DPYD: variants seen among roughly 807,000 people sequenced by gnomAD.
The protein encoded by DPYD is dihydropyrimidine dehydrogenase [NADP(+)].
Under a neutral mutation model 116.2 loss-of-function variants are expected in DPYD, and 109 were observed. The observed-to-expected ratio is 0.94, with a 90% CI of 0.80 to 1.10. The LOEUF (loss-of-function observed/expected upper bound fraction) is 1.10, where lower values mean the gene tolerates loss of function less well. Ranked by LOEUF, DPYD falls within the 50% of genes least tolerant of loss-of-function variation. The pLI is 0.00. For missense variants in DPYD, 1,302 were observed against 1,254.5 expected, an observed-to-expected ratio of 1.04 and a Z score of -0.57; for synonymous variants, 440 against 432.0, an observed-to-expected ratio of 1.02 and a Z score of -0.23.
chr1:97,318,188 C>T (rs2101087569), intron 16 of DPYD, among the ~76,000 whole-genome samples: 1 of 145,774 alleles, frequency 6.9e-6, no homozygotes, highest in Admixed American at 7.1e-5. Flanking sequence ...AGCAAAATCA[C>T]CAGCTAACAT....
chr1:97,779,854 C>T (rs779710759), intron 3 of DPYD, among the ~76,000 whole-genome samples: 1 of 152,006 alleles, frequency 6.6e-6, no homozygotes, highest in Non-Finnish European at 1.5e-5. Context: ...CTAGAACCAA[C>T]TCTAACTTTT....
At chr1:97,885,349 G>A (rs1415510020) in intron 1 of DPYD, among the ~76,000 whole-genome samples, 1 of 151,878 alleles carries the variant, frequency 6.6e-6, no homozygotes, top group Non-Finnish European at 1.5e-5. Flanking sequence ...AGCTAAAAAT[G>A]TTATTTTCCA....
intron 20 of DPYD, among the ~76,000 whole-genome samples, chr1:97,143,824 T>G (rs1475881335): frequency 3.3e-5 from 5 of 152,174 alleles, no homozygotes; most frequent in African/African-American, 1.2e-4. Context: ...TTATATCTCA[T>G]CTTTCAAATT....
intron 11 of DPYD, 49 bp downstream of exon 11, chr1:97,573,711 C>T (rs1194899501): frequency 3.1e-6 from 5 of 1,608,700 alleles, no homozygotes; most frequent in African/African-American, 1.3e-5. Context: ...TATTACAGCA[C>T]TAAAATAACA....
At position 97,573,671 on chromosome 1, in the gene DPYD, GT is replaced by G. The variant is rs1367699766; in HGVS notation, c.1339+88del. On this transcript the variant is annotated intron_variant, in intron 11 of 22. Coordinates refer to ENST00000370192, the MANE Select transcript of DPYD (RefSeq NM_000110.4). ...CTAGAAGAGGAAAATAAATTTTAAA[GT>G]GAAAAACAATTCCCTGAAAGCTAGA... The G allele has an allele frequency of 9.8e-6, 15 of 1,533,254 alleles. 1 individual carries two copies. The African/African-American group carries it at 1.8e-4, about 18-fold the overall frequency. The allele number at this position is 1,533,254 out of a possible 1,614,324, so 95.0% of individuals were successfully genotyped here.
chr1:97,111,215 A>G (rs1050813574), intron 20 of DPYD, among the ~76,000 whole-genome samples: 1 of 152,052 alleles, frequency 6.6e-6, no homozygotes, highest in Non-Finnish European at 1.5e-5. Flanking sequence ...TTGACTTGGT[A>G]TAACGTATCC....
intron 16 of DPYD, among the ~76,000 whole-genome samples, chr1:97,347,827 A>C (rs948038951): frequency 6.6e-6 from 1 of 152,094 alleles, no homozygotes; most frequent in African/African-American, 2.4e-5. Context: ...CACAATAAAC[A>C]TTCTCAGTAT....
At chr1:97,234,559 T>A (rs1661780656) in intron 19 of DPYD, among the ~76,000 whole-genome samples, 1 of 152,202 alleles carries the variant, frequency 6.6e-6, no homozygotes, top group Non-Finnish European at 1.5e-5. Context: ...GTATTGTTTT[T>A]CCAGGAGGAC....
In DPYD at chr1:97,143,762, A is replaced by G. The variant is rs1285391439; in HGVS notation, c.2623-45130T>C. 2.6e-5 allele frequency among the ~76,000 whole-genome samples: 4 copies of G among 152,150 alleles called. No individual in the cohort carries two copies. The East Asian group carries it at 7.7e-4, about 29-fold the overall frequency. ...TGTCTGAGGTGAGTCAACTTTAAAC[A>G]AAAAAGCATTTTGAAAATGGATTTT... On this transcript the variant is annotated intron_variant, in intron 20 of 22. Coordinates refer to ENST00000370192, the MANE Select transcript of DPYD (RefSeq NM_000110.4).
intron 2 of DPYD, among the ~76,000 whole-genome samples, chr1:97,844,217 A>C (rs531762378): frequency 6.6e-6 from 1 of 152,346 alleles, no homozygotes; most frequent in Admixed American, 6.5e-5. Context: ...CTGCAATATA[A>C]TAAAAAATAC....
rs539688318 is a variant in DPYD at position 97,294,469 on chromosome 1, C to T, written c.2299+10790G>A. 3.3e-5 allele frequency among the ~76,000 whole-genome samples: 5 copies of T among 152,212 alleles called. No homozygotes were observed. In the South Asian group the frequency reaches 8.3e-4, roughly 25 times the overall value. On this transcript the variant is annotated intron_variant, in intron 18 of 22. Coordinates refer to ENST00000370192, the MANE Select transcript of DPYD (RefSeq NM_000110.4). Reference sequence around the variant, plus strand: ...TTTTCCTCATCTAATGAAAAGGTAGCATATCTGAATTACTTACTAGGCTTT... The same window carrying T: ...TTTTCCTCATCTAATGAAAAGGTAGTATATCTGAATTACTTACTAGGCTTT...
intron 2 of DPYD, among the ~76,000 whole-genome samples, chr1:97,882,730 G>C (rs1571524663): frequency 6.6e-6 from 1 of 151,914 alleles, no homozygotes; most frequent in African/African-American, 2.4e-5. Flanking sequence ...GAGAAATGCT[G>C]TTTTGCTCCT....
intron 13 of DPYD, among the ~76,000 whole-genome samples, chr1:97,501,107 C>T (rs752770759): frequency 7.9e-5 from 12 of 151,920 alleles, no homozygotes; most frequent in Admixed American, 1.3e-4. Context: ...AAACCCTGTA[C>T]GACATAGTTC....
chr1:97,778,526 A>T (rs1666552493), intron 3 of DPYD, among the ~76,000 whole-genome samples: 1 of 152,056 alleles, frequency 6.6e-6, no homozygotes, highest in Admixed American at 6.6e-5. Context: ...GCTATTTATT[A>T]AATCCTGCCA....
At chr1:97,291,057 A>G (rs991670431) in intron 18 of DPYD, among the ~76,000 whole-genome samples, 10 of 152,238 alleles carry the variant, frequency 6.6e-5, no homozygotes, top group African/African-American at 2.4e-4. Context: ...AAAAGAAGAC[A>G]TTTATGCAGC....
At chr1:97,327,412 A>G (rs1382096171) in intron 16 of DPYD, among the ~76,000 whole-genome samples, 3 of 152,042 alleles carry the variant, frequency 2.0e-5, no homozygotes, top group Admixed American at 2.0e-4. Flanking sequence ...TTCCTACATT[A>G]TATTTTTCAA....
chr1:97,490,437 ATAAG>A lies in DPYD; in HGVS notation c.1740+25285_1740+25288del, dbSNP rs1472647565. Among the ~76,000 whole-genome samples the A allele has an allele frequency of 8.8e-5, 13 of 147,114 alleles. No homozygotes were observed. In the East Asian group the frequency reaches 2.3e-3, roughly 27 times the overall value. The stretch of plus-strand genomic sequence containing the variant: ...ATTAGTATAACACACTAATAATTGT[ATAAG>A]TATTATATAACGTACTAATTATATA... On this transcript the variant is annotated intron_variant, in intron 13 of 22. Transcript: ENST00000370192.
chr1:97,142,499 A>G (rs1654300819), intron 20 of DPYD, among the ~76,000 whole-genome samples: 1 of 152,164 alleles, frequency 6.6e-6, no homozygotes, highest in Admixed American at 6.6e-5. Flanking sequence ...GAAACAAAAG[A>G]TTCCAGAGAT....
At chr1:97,184,458 T>C (rs1657861417) in intron 20 of DPYD, among the ~76,000 whole-genome samples, 1 of 152,134 alleles carries the variant, frequency 6.6e-6, no homozygotes, top group Non-Finnish European at 1.5e-5. Flanking sequence ...TAATAACCAT[T>C]CTGATTGGTG....
Sources: gnomAD v4.1 joint callset for allele counts (sites outside exome capture counted in the v4.1 genomes callset) on GRCh38, gnomAD v4.1.1 for gene constraint, MANE v1.5 for transcripts, NCBI Gene and HGNC (gene_info 2026-07-23, HGNC 2026-07-21) for gene names.